Variants in ZBTB16 observed in about 807,000 individuals in gnomAD.
ZBTB16 encodes the protein zinc finger and BTB domain containing 16.
ZBTB16 carries 8 observed loss-of-function variants against 56.8 expected under a neutral mutation model. That is an observed-to-expected ratio of 0.14 (90% CI 0.08 to 0.25). The LOEUF is 0.25. ZBTB16 is among the 10% of genes least tolerant of loss of function. The probability of loss-of-function intolerance (pLI) is 1.00; values close to 1 mark genes in which losing one functional copy is unlikely to be tolerated. For synonymous variants in ZBTB16, 363 were observed against 368.5 expected, an observed-to-expected ratio of 0.98 and a Z score of 0.17; for missense variants, 625 against 903.0, an observed-to-expected ratio of 0.69 and a Z score of 3.95.
chr11:114,183,339 G>A (rs149136346), intron 3 of ZBTB16, among the ~76,000 whole-genome samples: 13 of 152,256 alleles, frequency 8.5e-5, no homozygotes, highest in African/African-American at 2.6e-4. Flanking sequence ...CGAGGCAGCC[G>A]CCTTTACTGA....
chr11:114,214,107 G>A (rs540904345), intron 4 of ZBTB16, among the ~76,000 whole-genome samples: 2 of 152,244 alleles, frequency 1.3e-5, no homozygotes, highest in East Asian at 3.9e-4. Context: ...GTGGTGCGTG[G>A]AGAGGAATTT....
chr11:114,155,360 C>T (rs2134954297), intron 2 of ZBTB16, among the ~76,000 whole-genome samples: 1 of 152,350 alleles, frequency 6.6e-6, no homozygotes, highest in Admixed American at 6.5e-5. Context: ...GGAGCCTCTC[C>T]CCAGTGCTCG....
At chr11:114,192,247 G>A (rs1005705568) in intron 4 of ZBTB16, among the ~76,000 whole-genome samples, 6 of 152,180 alleles carry the variant, frequency 3.9e-5, no homozygotes, top group Admixed American at 3.9e-4. Context: ...CAGGTTTCCA[G>A]GAGTCAGGAC....
chr11:114,250,064 A>G lies in ZBTB16; in HGVS notation c.1793-262A>G, dbSNP rs985430361. On this transcript the variant is annotated intron_variant, in intron 6 of 6. Transcript: ENST00000335953. This position sits in a 1 kb window ranked among gnomAD's most constrained non-coding sequence, Gnocchi z 6.0. Reference sequence around the variant, plus strand: ...AAGGAGCTGGGCAATCCAGTAGTCAACTAGCTACATGTAGCTATTTAAATT... The same window carrying G: ...AAGGAGCTGGGCAATCCAGTAGTCAGCTAGCTACATGTAGCTATTTAAATT... Among the ~76,000 whole-genome samples, 2 of 152,210 alleles carry G rather than the reference A, an allele frequency of 1.3e-5. No individual in the cohort carries two copies. Among genetic ancestry groups the G allele is most frequent in the South Asian group, 2.1e-4 (1 of 4,830 alleles).
intron 4 of ZBTB16, among the ~76,000 whole-genome samples, chr11:114,219,510 A>C (rs1029677846): frequency 6.6e-6 from 1 of 152,060 alleles, no homozygotes; most frequent in African/African-American, 2.4e-5. Flanking sequence ...TCCTTATTCC[A>C]ATCAGAAGAT....
intron 2 of ZBTB16, among the ~76,000 whole-genome samples, chr11:114,141,290 A>T (rs1024730386): frequency 3.3e-5 from 5 of 152,186 alleles, no homozygotes; most frequent in Non-Finnish European, 1.5e-5. Context: ...CCCCGAAAGG[A>T]CCAACTGAAT....
At chr11:114,134,859 C>A (rs1384955825) in intron 2 of ZBTB16, among the ~76,000 whole-genome samples, 1 of 152,196 alleles carries the variant, frequency 6.6e-6, no homozygotes, top group Non-Finnish European at 1.5e-5. Context: ...GTATGATAGA[C>A]ACTGCTGTGT....
chr11:114,137,798 G>A (rs1939413), intron 2 of ZBTB16, among the ~76,000 whole-genome samples: 4,410 of 152,296 alleles, frequency 0.029, 126 homozygotes, highest in East Asian at 0.077. Flanking sequence ...CCACACTGGA[G>A]TAAGGGGCTT....
chr11:114,187,344 T>C (rs1422024718), intron 4 of ZBTB16: 10 of 436,618 alleles, frequency 2.3e-5, no homozygotes, highest in African/African-American at 2.1e-4. Context: ...TGTTGAGGCC[T>C]TAGTCTGTGT....
chr11:114,175,149 T>C (rs1430097855), intron 3 of ZBTB16, among the ~76,000 whole-genome samples: 2 of 152,178 alleles, frequency 1.3e-5, no homozygotes, highest in Non-Finnish European at 2.9e-5. Context: ...GAAATGGGAC[T>C]GTAAGGTTGT....
At chr11:114,249,681 C>T (rs1944882289) in intron 6 of ZBTB16, among the ~76,000 whole-genome samples, 1 of 138,924 alleles carries the variant, frequency 7.2e-6, no homozygotes, top group African/African-American at 2.7e-5. Context: ...AGGAGAATGG[C>T]GTGAACCCGG....
At chr11:114,077,096 G>A (rs752548521) in intron 2 of ZBTB16, among the ~76,000 whole-genome samples, 3 of 152,158 alleles carry the variant, frequency 2.0e-5, no homozygotes, top group Middle Eastern at 3.2e-3. Context: ...AGATATGGCC[G>A]AGGGTTTTGT....
intron 4 of ZBTB16, among the ~76,000 whole-genome samples, chr11:114,211,299 A>G (rs1262938946): frequency 6.6e-6 from 1 of 152,124 alleles, no homozygotes; most frequent in East Asian, 1.9e-4. Context: ...GTGGAGGTAT[A>G]TCTAGACCTG....
chr11:114,174,827 C>T (rs1041236635), intron 3 of ZBTB16, among the ~76,000 whole-genome samples: 14 of 152,096 alleles, frequency 9.2e-5, no homozygotes, highest in African/African-American at 3.4e-4. Flanking sequence ...CTGGAAACTC[C>T]ACCAGGAAGC....
intron 3 of ZBTB16, among the ~76,000 whole-genome samples, chr11:114,169,676 C>T (rs1942899216): frequency 6.6e-6 from 1 of 152,126 alleles, no homozygotes; most frequent in African/African-American, 2.4e-5. Flanking sequence ...GACACGAGCC[C>T]CCTGGCAAGA....
At chr11:114,076,378 G>A (rs1030582032) in intron 2 of ZBTB16, among the ~76,000 whole-genome samples, 1 of 152,166 alleles carries the variant, frequency 6.6e-6, no homozygotes. Flanking sequence ...GGGCACGCAC[G>A]CTCACGGAGG....
intron 2 of ZBTB16, among the ~76,000 whole-genome samples, chr11:114,152,227 T>C (rs1434588514): frequency 2.0e-5 from 3 of 152,204 alleles, no homozygotes; most frequent in Non-Finnish European, 2.9e-5. Context: ...AAAGGAAATA[T>C]AGGCACGGTC....
At position 114,064,366 on chromosome 11, in the gene ZBTB16, C is replaced by T; in HGVS notation, c.1066C>T (p.Leu356Phe). 2 of 1,614,070 alleles carry T rather than the reference C, an allele frequency of 1.2e-6. No homozygotes were observed. The highest frequency in any genetic ancestry group is 8.5e-7 in the Non-Finnish European group (1 of 1,180,030). ...LSMPSSVTSGLHVQPALAVSM... is the reference protein window; with the variant it reads ...LSMPSSVTSGFHVQPALAVSM... ...CATGCCGTCTTCCGTGACCTCTGGC[C>T]TCCACGTGCAGCCTGCCCTGGCTGT... The change falls in exon 2 of 7, where the codon CTC becomes TTC. Residue 356 changes from leucine (L) to phenylalanine (F), a missense_variant. Physicochemically the swap from Leu to Phe is conservative, Grantham distance 22. Around this residue, in one of 6 missense-constraint regions of ZBTB16, gnomAD observed 384 missense variants for 393.5 expected, o/e 0.98. Transcript: ENST00000335953. The surrounding 1 kb of genome is among the most constrained non-coding windows in gnomAD (Gnocchi z 4.2).
chr11:114,096,370 T>C (rs901637160), intron 2 of ZBTB16, among the ~76,000 whole-genome samples: 7 of 152,206 alleles, frequency 4.6e-5, no homozygotes, highest in Non-Finnish European at 8.8e-5. Flanking sequence ...CTTAAAGAGA[T>C]ACACACAAAT....
Sources: gnomAD v4.1 joint callset for allele counts (sites outside exome capture counted in the v4.1 genomes callset) on GRCh38, gnomAD v4.1.1 for gene constraint, gnomAD v4.1.1 regional missense constraint, Gnocchi (gnomAD v3.1) non-coding constraint, MANE v1.5 for transcripts, NCBI Gene and HGNC (gene_info 2026-07-23, HGNC 2026-07-21) for gene names.